The following GLS variants were observed in gnomAD, a reference collection of about 807,000 sequenced individuals.
GLS encodes glutaminase.
Under a neutral mutation model 86.7 loss-of-function variants are expected in GLS, and 36 were observed. The ratio of observed to expected loss-of-function variants is 0.42; its 90% CI spans 0.32 to 0.55. GLS has a LOEUF of 0.55. GLS is among the 20% of genes least tolerant of loss of function. GLS has a pLI of 0.17. For missense variants in GLS, 528 were observed against 833.4 expected (o/e 0.63, Z 4.51); for synonymous variants, 317 against 305.9 (o/e 1.04, Z -0.38).
intron 1 of GLS, among the ~76,000 whole-genome samples, chr2:190,889,967 A>C (rs547922004): frequency 3.3e-5 from 5 of 152,244 alleles, no homozygotes; most frequent in African/African-American, 1.2e-4. Context: ...GAAATTTATT[A>C]TTGTTTAAGA....
chr2:190,930,586 A>G lies in GLS; in HGVS notation c.1557+18A>G. On this transcript the variant is annotated intron_variant, in intron 13 of 17. Coordinates refer to ENST00000320717, the MANE Select transcript of GLS (RefSeq NM_014905.5). The surrounding 1 kb of genome is among the most constrained non-coding windows in gnomAD (Gnocchi z 5.0). ...TTTGTCACGTAAGCATATTTTCTTA[A>G]TGTAAATAATGGTGTTACAAGTTGA... 1 of 1,596,098 alleles carries G rather than the reference A, an allele frequency of 6.3e-7. No individual in the cohort carries two copies. The highest frequency in any genetic ancestry group is 1.4e-5 in the African/African-American group (1 of 73,946).
intron 7 of GLS, among the ~76,000 whole-genome samples, chr2:190,916,848 TA>T (rs905777004): frequency 7.5e-4 from 113 of 150,766 alleles, no homozygotes; most frequent in African/African-American, 1.7e-3. Flanking sequence ...GTATTGCATC[TA>T]AAAAAAAACA....
intron 1 of GLS, among the ~76,000 whole-genome samples, chr2:190,882,238 C>T (rs1688227166): frequency 1.3e-5 from 2 of 152,108 alleles, no homozygotes; most frequent in African/African-American, 4.8e-5. Flanking sequence ...TGAAATGTGA[C>T]GTAATACACT....
rs1237414340 is a variant in GLS at position 190,954,581 on chromosome 2, C to T, written c.1713-3C>T. The T allele has an allele frequency of 6.2e-7, 1 of 1,602,560 alleles. No individual in the cohort carries two copies. Among genetic ancestry groups the T allele is most frequent in the Non-Finnish European group, 8.5e-7 (1 of 1,171,444 alleles). On this transcript the variant is annotated splice_polypyrimidine_tract_variant and splice_region_variant and intron_variant, in intron 15 of 17. Coordinates refer to ENST00000320717, the MANE Select transcript of GLS (RefSeq NM_014905.5). This position sits in a 1 kb window ranked among gnomAD's most constrained non-coding sequence, Gnocchi z 4.0. Reference sequence around the variant, plus strand: ...ATAAATAGCTGTGCTTACACATTTTCAGATTTGCTTTGTCAGCTATGGACA... The same window carrying T: ...ATAAATAGCTGTGCTTACACATTTTTAGATTTGCTTTGTCAGCTATGGACA...
chr2:190,913,282 A>C lies in GLS; in HGVS notation c.1038+2961A>C. The C allele has an allele frequency of 2.3e-6, 3 of 1,291,460 alleles. No individual in the cohort carries two copies. Among genetic ancestry groups the C allele is most frequent in the Non-Finnish European group, 3.0e-6 (3 of 985,160 alleles). The allele number at this position is 1,291,460 out of a possible 1,614,324, so 80.0% of individuals were successfully genotyped here. On this transcript the variant is annotated intron_variant, in intron 7 of 17. Transcript: ENST00000320717. This position sits in a 1 kb window ranked among gnomAD's most constrained non-coding sequence, Gnocchi z 6.1. ...TTGTGGAAAAAAGGAGAATTTGGAC[A>C]GAAGGAGCCTGTTGCATAAATTCTT...
intron 9 of GLS, among the ~76,000 whole-genome samples, chr2:190,922,798 C>T (rs1351739935): frequency 6.6e-6 from 1 of 152,034 alleles, no homozygotes. Flanking sequence ...GAACATTAAC[C>T]ACAGTTCCTC....
chr2:190,961,811 C>T (rs776170152), intron 17 of GLS, among the ~76,000 whole-genome samples: 9 of 150,566 alleles, frequency 6.0e-5, no homozygotes, highest in Non-Finnish European at 1.2e-4. Flanking sequence ...AAAAACCTTT[C>T]GTTTCCATAT....
Position 190,935,013 on chromosome 2 carries a change from T to A in GLS, c.1650+3376T>A. On this transcript the variant is annotated intron_variant, in intron 14 of 17. Transcript: ENST00000320717. The surrounding 1 kb of genome is among the most constrained non-coding windows in gnomAD (Gnocchi z 4.2). ...GTACCCACTATTATTGGGTTTGTTT[T>A]ATGCCATTATTGATTCTTGATATTC... The A allele has an allele frequency of 1.1e-6, 1 of 952,204 alleles. No individual in the cohort carries two copies. Among genetic ancestry groups the A allele is most frequent in the Non-Finnish European group, 1.3e-6 (1 of 799,802 alleles). 59.0% of individuals were successfully genotyped at this position (952,204 alleles called of 1,614,324 possible). A position where few individuals can be genotyped will look rare whatever the true frequency, so the allele number is the denominator to read the frequency against.
At chr2:190,934,457 T>C in intron 14 of GLS, 2 of 966,776 alleles carry the variant, frequency 2.1e-6, no homozygotes, top group Non-Finnish European at 1.2e-6. Flanking sequence ...TATGCTTACT[T>C]GAATGTTCTT....
intron 11 of GLS, chr2:190,927,100 A>C: frequency 4.3e-6 from 2 of 468,160 alleles, no homozygotes; most frequent in Non-Finnish European, 7.5e-6. Context: ...AAGACTGAGT[A>C]TCTTTGGCCA....
intron 17 of GLS, among the ~76,000 whole-genome samples, chr2:190,957,414 G>T (rs901371474): frequency 3.9e-5 from 6 of 152,132 alleles, no homozygotes; most frequent in Admixed American, 3.3e-4. Context: ...TCCCTTGCCT[G>T]ATTGTCCTAG....
chr2:190,903,272 A>G (rs910670679), intron 5 of GLS, among the ~76,000 whole-genome samples: 4 of 152,204 alleles, frequency 2.6e-5, no homozygotes, highest in Non-Finnish European at 5.9e-5. Context: ...TAGCCCATTC[A>G]TTTTGAAAGT....
chr2:190,933,708 A>G (rs2124921805), intron 14 of GLS: 2 of 898,746 alleles, frequency 2.2e-6, no homozygotes, highest in Non-Finnish European at 2.7e-6. Flanking sequence ...AACTTTTTCT[A>G]TGTTATATTT....
At position 190,897,536 on chromosome 2, in the gene GLS, A is replaced by T. The variant is rs186060964; in HGVS notation, c.605+1811A>T. Among the ~76,000 whole-genome samples the T allele has an allele frequency of 2.1e-3, 325 of 152,336 alleles. No homozygotes were observed. Among genetic ancestry groups the T allele is most frequent in the Non-Finnish European group, 3.3e-3 (222 of 68,024 alleles). On this transcript the variant is annotated intron_variant, in intron 3 of 17. Transcript: ENST00000320717. The surrounding 1 kb of genome is among the most constrained non-coding windows in gnomAD (Gnocchi z 4.3). ...TGTTTTATGGTCTATATGAGCAACCAGTAGAAAAGTACAAGTCTCTAGGGC... is the reference window on the plus strand; with the variant it reads ...TGTTTTATGGTCTATATGAGCAACCTGTAGAAAAGTACAAGTCTCTAGGGC...
In GLS at chr2:190,933,115, T is replaced by A. The variant is rs564581477; in HGVS notation, c.1650+1478T>A. Reference sequence around the variant, plus strand: ...TTTAAAAATACAAAAAGGAAAAATTTAAATTTTTTTTGATGTAATTAAAAT... The same window carrying A: ...TTTAAAAATACAAAAAGGAAAAATTAAAATTTTTTTTGATGTAATTAAAAT... On this transcript the variant is annotated intron_variant, in intron 14 of 17. Coordinates refer to ENST00000320717, the MANE Select transcript of GLS (RefSeq NM_014905.5). 11 of 920,710 alleles carry A rather than the reference T, an allele frequency of 1.2e-5. No individual in the cohort carries two copies. The East Asian group carries it at 8.2e-4, about 69-fold the overall frequency. The allele number at this position is 920,710 out of a possible 1,614,324, so 57.0% of individuals were successfully genotyped here.
At chr2:190,910,962 G>A (rs4853528) in intron 7 of GLS, among the ~76,000 whole-genome samples, 16 of 148,794 alleles carry the variant, frequency 1.1e-4, no homozygotes, top group African/African-American at 3.5e-4. Context: ...TTTGGTTTGC[G>A]TTAATAATTG....
In GLS at chr2:190,930,336, G is replaced by A. The variant is rs1055695196; in HGVS notation, c.1426-101G>A. On this transcript the variant is annotated intron_variant, in intron 12 of 17. Coordinates refer to ENST00000320717, the MANE Select transcript of GLS (RefSeq NM_014905.5). This position sits in a 1 kb window ranked among gnomAD's most constrained non-coding sequence, Gnocchi z 5.0. ...GCCTCCCAAAGTGCTGAGATTACAG[G>A]AGTGAGCCATGGTGCCCAGCCCCAG... 1.2e-6 allele frequency: 1 copy of A among 851,920 alleles called. No individual in the cohort carries two copies. Among genetic ancestry groups the A allele is most frequent in the Non-Finnish European group, 1.9e-6 (1 of 516,662 alleles). 52.8% of individuals were successfully genotyped at this position (851,920 alleles called of 1,614,324 possible).
chr2:190,894,480 C>T (rs1051683825), intron 1 of GLS, among the ~76,000 whole-genome samples: 2 of 152,116 alleles, frequency 1.3e-5, no homozygotes, highest in Non-Finnish European at 2.9e-5. Flanking sequence ...GAGTCTTACT[C>T]TCTGCCAGAC....
At chr2:190,900,805 A>C (rs1183785245) in intron 4 of GLS, 112 bp downstream of exon 4, 3 of 683,182 alleles carry the variant, frequency 4.4e-6, no homozygotes, top group Non-Finnish European at 7.1e-6. Context: ...AAAACACTTT[A>C]GCTTCGCTTA....
Sources: allele counts gnomAD v4.1 joint callset (sites outside exome capture counted in the v4.1 genomes callset), GRCh38; gene constraint gnomAD v4.1.1; non-coding constraint Gnocchi (gnomAD v3.1); transcripts MANE v1.5; gene names NCBI Gene and HGNC (gene_info 2026-07-23, HGNC 2026-07-21).